Variants in MYO1H observed in about 807,000 individuals in gnomAD.
MYO1H encodes myosin IH, also known as unconventional myosin-Ih.
Under a neutral mutation model 149.3 loss-of-function variants are expected in MYO1H, and 118 were observed. The ratio of observed to expected loss-of-function variants is 0.79; its 90% CI spans 0.68 to 0.92. MYO1H has a LOEUF of 0.92. MYO1H is among the 40% of genes least tolerant of loss of function. The pLI, the probability that MYO1H is intolerant of heterozygous loss-of-function variation, is 0.00. For synonymous variants in MYO1H, 447 were observed against 465.2 expected (o/e 0.96, Z 0.50); for missense variants, 1,212 against 1,280.7 (o/e 0.95, Z 0.82).
At chr12:109,358,747 A>G (rs1426113167) in intron 1 of MYO1H, among the ~76,000 whole-genome samples, 3 of 148,784 alleles carry the variant, frequency 2.0e-5, no homozygotes, top group African/African-American at 2.5e-5. Flanking sequence ...AGGTCTGTAC[A>G]TATTCCTTTA....
intron 15 of MYO1H, among the ~76,000 whole-genome samples, chr12:109,417,701 T>TA (rs1177008251): frequency 6.6e-6 from 1 of 152,230 alleles, no homozygotes; most frequent in African/African-American, 2.4e-5. Context: ...TGCATTTCTC[T>TA]AATGACCTAT....
chr12:109,327,423 G>A, the MYO1H span, among the ~76,000 whole-genome samples: 3 of 151,528 alleles, frequency 2.0e-5, no homozygotes, highest in Non-Finnish European at 2.9e-5. Flanking sequence ...GTGAGCCACC[G>A]TGCCTGGCCT....
chr12:109,355,251 A>G (rs1382838367), intron 1 of MYO1H, among the ~76,000 whole-genome samples: 1 of 152,136 alleles, frequency 6.6e-6, no homozygotes, highest in African/African-American at 2.4e-5. Context: ...ACACGACTTC[A>G]GGGGAATAAC....
chr12:109,442,704 T>C (rs1872192734), intron 27 of MYO1H, among the ~76,000 whole-genome samples: 1 of 151,534 alleles, frequency 6.6e-6, no homozygotes, highest in Non-Finnish European at 1.5e-5. Context: ...ACTGAGAGGA[T>C]GAATGAGTCG....
At chr12:109,325,794 A>T in the MYO1H span, among the ~76,000 whole-genome samples, 2 of 152,248 alleles carry the variant, frequency 1.3e-5, no homozygotes, top group African/African-American at 2.4e-5. Flanking sequence ...GAAGACATTT[A>T]TGCGGCCAAG....
rs369875407 is a variant in MYO1H, at chr12:109,426,001, A to G, written c.1781A>G (p.Lys594Arg). 5.5e-5 allele frequency: 89 copies of G among 1,613,742 alleles called. No homozygotes were observed. Among genetic ancestry groups the G allele is most frequent in the Non-Finnish European group, 7.0e-5 (83 of 1,179,874 alleles). The change falls in exon 18 of 32, where the codon AAG becomes AGG. Residue 594 changes from lysine (K) to arginine (R), a missense_variant. Transcript: ENST00000310903. ...AGCCTTCTAGAAACCCTCATCTCTA[A>G]GGAGCCCTCCTACATCCGTTGCATC...
At chr12:109,370,023 C>G (rs969753374) in intron 1 of MYO1H, among the ~76,000 whole-genome samples, 1 of 152,174 alleles carries the variant, frequency 6.6e-6, no homozygotes, top group African/African-American at 2.4e-5. Context: ...GAGACTTGTT[C>G]ACTGTCATGA....
intron 18 of MYO1H, among the ~76,000 whole-genome samples, chr12:109,426,861 G>A (rs956939595): frequency 6.6e-6 from 1 of 152,152 alleles, no homozygotes; most frequent in Non-Finnish European, 1.5e-5. Flanking sequence ...GAGGACTGTG[G>A]CAAACTGGAG....
At chr12:109,410,122 T>C in intron 12 of MYO1H, 54 bp downstream of exon 12, 1 of 879,248 alleles carries the variant, frequency 1.1e-6, no homozygotes, top group Non-Finnish European at 1.6e-6. Context: ...GCTAAAGACT[T>C]CTTTTTTTAA....
the MYO1H span, among the ~76,000 whole-genome samples, chr12:109,312,148 GTA>G: frequency 4.7e-4 from 72 of 152,210 alleles, no homozygotes; most frequent in African/African-American, 1.7e-3. Flanking sequence ...AGGATTAAGA[GTA>G]TTAACTCACT....
At chr12:109,440,682 T>C in intron 24 of MYO1H, 62 bp from the exon 25 acceptor site, 1 of 1,216,908 alleles carries the variant, frequency 8.2e-7, no homozygotes, top group South Asian at 1.3e-5. Flanking sequence ...TTCATTTTGA[T>C]CGCCACAGCC....
intron 1 of MYO1H, among the ~76,000 whole-genome samples, chr12:109,378,037 A>G (rs1869121794): frequency 6.6e-6 from 1 of 152,250 alleles, no homozygotes; most frequent in Non-Finnish European, 1.5e-5. Flanking sequence ...GTGATTATTG[A>G]TAACTCTTTT....
At chr12:109,427,388 A>T (rs1291325327) in intron 18 of MYO1H, 81 bp from the exon 19 acceptor site, 1 of 894,646 alleles carries the variant, frequency 1.1e-6, no homozygotes, top group Non-Finnish European at 1.9e-6. Context: ...ACTGAACTTC[A>T]GCTTGCAGCC....
chr12:109,438,495 G>T (rs746728661), intron 22 of MYO1H, 41 bp from the exon 23 acceptor site: 1 of 1,507,208 alleles, frequency 6.6e-7, no homozygotes, highest in South Asian at 1.2e-5. Context: ...ATTTCCATAC[G>T]ATTGTGCTCA....
chr12:109,396,347 T>C, intron 3 of MYO1H, 37 bp from the exon 4 acceptor site: 1 of 1,553,454 alleles, frequency 6.4e-7, no homozygotes, highest in Non-Finnish European at 8.7e-7. Flanking sequence ...GGAAGTACCA[T>C]TAAAACGAAT....
chr12:109,366,008 C>T (rs1003943211), intron 1 of MYO1H, among the ~76,000 whole-genome samples: 2 of 152,158 alleles, frequency 1.3e-5, no homozygotes, highest in Non-Finnish European at 2.9e-5. Flanking sequence ...CTAGGTTGAA[C>T]ACTCCTTATG....
intron 23 of MYO1H, 120 bp from the exon 24 acceptor site, chr12:109,439,511 A>ACATTCCAGGCC: frequency 1.0e-5 from 10 of 1,003,494 alleles, no homozygotes; most frequent in East Asian, 2.6e-5. Flanking sequence ...CCTCTGGCCT[A>ACATTCCAGGCC]TGTGGTCATC....
the MYO1H span, among the ~76,000 whole-genome samples, chr12:109,318,967 G>T: frequency 0.67 from 52,142 of 78,358 alleles, 18,173 homozygotes; most frequent in East Asian, 0.79. Flanking sequence ...TGCGTTTTTG[G>T]TTTTGTTTTT....
At chr12:109,344,402 A>G (rs1031931664), upstream of MYO1H, among the ~76,000 whole-genome samples, 1 of 152,206 alleles carries the variant, frequency 6.6e-6, no homozygotes, top group Non-Finnish European at 1.5e-5. Flanking sequence ...AAGAAGAATA[A>G]AATACTTAGG....
Sources: gnomAD v4.1 joint callset for allele counts (sites outside exome capture counted in the v4.1 genomes callset) on GRCh38, gnomAD v4.1.1 for gene constraint, MANE v1.5 for transcripts, NCBI Gene and HGNC (gene_info 2026-07-23, HGNC 2026-07-21) for gene names.